Variants in KIF16B observed in about 807,000 individuals in gnomAD.
The protein encoded by KIF16B is kinesin-like protein KIF16B.
KIF16B carries 98 observed loss-of-function variants against 156.3 expected under a neutral mutation model. The ratio of observed to expected loss-of-function variants is 0.63; its 90% CI spans 0.53 to 0.74. The LOEUF (loss-of-function observed/expected upper bound fraction) is 0.74. Ranked by LOEUF, KIF16B falls within the 30% of genes least tolerant of loss-of-function variation. The probability of loss-of-function intolerance (pLI) is 0.00; values close to 1 mark genes in which losing one functional copy is unlikely to be tolerated. For missense variants in KIF16B, 1,421 were observed against 1,606.5 expected (o/e 0.88, Z 1.97); for synonymous variants, 564 against 583.7 (o/e 0.97, Z 0.49).
rs1349589151 is a variant in KIF16B, at chr20:16,561,319, A to ATT, written c.47+11909_47+11910insAA. ...AAAAAAAAGTAGTAGAGAGTAGAAA[A>ATT]TATCAGCATGCATTGAGCAGATGAA... On this transcript the variant is annotated intron_variant, in intron 1 of 25. Transcript: ENST00000354981. 5.9e-5 allele frequency among the ~76,000 whole-genome samples: 9 copies of ATT among 152,294 alleles called. No homozygotes were observed. The East Asian group carries it at 1.7e-3, about 29-fold the overall frequency.
chr20:16,342,308 G>C (rs2064153656), intron 23 of KIF16B, among the ~76,000 whole-genome samples: 1 of 151,810 alleles, frequency 6.6e-6, no homozygotes, highest in Admixed American at 6.6e-5. Context: ...GGTAGTAACT[G>C]GGGTGGGGTG....
chr20:16,448,658 G>A (rs535503239), intron 12 of KIF16B, among the ~76,000 whole-genome samples: 31 of 152,280 alleles, frequency 2.0e-4, no homozygotes, highest in African/African-American at 6.3e-4. Context: ...ACCATAAACA[G>A]CAAGCAACAA....
intron 3 of KIF16B, among the ~76,000 whole-genome samples, chr20:16,525,627 C>T (rs563449055): frequency 2.4e-4 from 36 of 152,168 alleles, no homozygotes; most frequent in Non-Finnish European, 3.1e-4. Flanking sequence ...TCTGAATGAA[C>T]GTTCTTTCTT....
intron 25 of KIF16B, among the ~76,000 whole-genome samples, chr20:16,308,898 C>T (rs547763690): frequency 1.3e-5 from 2 of 152,226 alleles, no homozygotes; most frequent in Non-Finnish European, 2.9e-5. Context: ...CTGTTACCTC[C>T]ACTGCTCTAT....
chr20:16,491,230 C>T (rs1024059056), intron 12 of KIF16B, among the ~76,000 whole-genome samples: 4 of 152,142 alleles, frequency 2.6e-5, no homozygotes, highest in African/African-American at 9.7e-5. Context: ...CCGGTGCACA[C>T]ACCAACCAGC....
rs573753222 is a variant in KIF16B at position 16,385,804 on chromosome 20, ATACC to A, written c.1785-4061_1785-4058del. Among the ~76,000 whole-genome samples the A allele has an allele frequency of 2.6e-5, 4 of 152,306 alleles. No homozygotes were observed. The East Asian group carries it at 7.7e-4, about 29-fold the overall frequency. On this transcript the variant is annotated intron_variant, in intron 17 of 25. Transcript: ENST00000354981. The stretch of plus-strand genomic sequence containing the variant: ...CTAACAACCACGGGGGACTCACTCC[ATACC>A]TGGCACTGTTCTAGGTACTGTGAAT...
At chr20:16,324,839 T>C (rs1243614742) in intron 24 of KIF16B, among the ~76,000 whole-genome samples, 2 of 151,536 alleles carry the variant, frequency 1.3e-5, no homozygotes, top group Non-Finnish European at 1.5e-5. Context: ...GGAAAGAACA[T>C]AACAACTAAA....
chr20:16,312,633 C>T (rs2063636414), intron 24 of KIF16B, among the ~76,000 whole-genome samples: 1 of 152,146 alleles, frequency 6.6e-6, no homozygotes, highest in Admixed American at 6.5e-5. Flanking sequence ...AATGAGAAGA[C>T]AGGACAATGG....
chr20:16,307,443 A>G (rs1377138160), intron 25 of KIF16B, among the ~76,000 whole-genome samples: 1 of 152,228 alleles, frequency 6.6e-6, no homozygotes, highest in Non-Finnish European at 1.5e-5. Context: ...GAATTGAATT[A>G]GACATCAATT....
chr20:16,502,338 T>G (rs2068649949), intron 10 of KIF16B, among the ~76,000 whole-genome samples: 1 of 152,206 alleles, frequency 6.6e-6, no homozygotes, highest in Admixed American at 6.5e-5. Context: ...AATGGACATT[T>G]AAGAACACCT....
chr20:16,377,159 T>TG (rs2064972084), intron 19 of KIF16B, among the ~76,000 whole-genome samples: 1 of 152,120 alleles, frequency 6.6e-6, no homozygotes, highest in Admixed American at 6.5e-5. Flanking sequence ...TGGGGTCTCC[T>TG]GGCCAGTACA....
intron 23 of KIF16B, among the ~76,000 whole-genome samples, chr20:16,353,565 A>C (rs755488416): frequency 3.3e-5 from 5 of 151,900 alleles, no homozygotes; most frequent in African/African-American, 4.8e-5. Flanking sequence ...TCCACTCCTC[A>C]TACCAACCCA....
At chr20:16,315,118 G>A (rs1416596810) in intron 24 of KIF16B, among the ~76,000 whole-genome samples, 1 of 152,120 alleles carries the variant, frequency 6.6e-6, no homozygotes, top group East Asian at 1.9e-4. Context: ...AGGACTTTAG[G>A]CAGTGGAAGC....
At chr20:16,372,767 G>C (rs2064853389) in intron 20 of KIF16B, among the ~76,000 whole-genome samples, 1 of 152,170 alleles carries the variant, frequency 6.6e-6, no homozygotes, top group Admixed American at 6.5e-5. Context: ...GTATGATCTT[G>C]GCTCACTGCA....
intron 12 of KIF16B, among the ~76,000 whole-genome samples, chr20:16,437,884 G>T (rs1239970827): frequency 6.6e-6 from 1 of 151,676 alleles, no homozygotes; most frequent in Non-Finnish European, 1.5e-5. Context: ...TGTAATCCCA[G>T]TACTTTGGGA....
At chr20:16,356,287 G>A (rs764807628) in intron 23 of KIF16B, 43 bp downstream of exon 23, 59 of 1,612,266 alleles carry the variant, frequency 3.7e-5, no homozygotes, top group Non-Finnish European at 4.9e-5. Flanking sequence ...GCACTGCATA[G>A]TCTCCAACCT....
At chr20:16,563,802 C>T (rs916777331) in intron 1 of KIF16B, among the ~76,000 whole-genome samples, 8 of 152,122 alleles carry the variant, frequency 5.3e-5, no homozygotes, top group African/African-American at 1.9e-4. Flanking sequence ...ACTAATACAC[C>T]TTGTATAAGT....
At chr20:16,305,842 C>T (rs1198257377) in intron 25 of KIF16B, among the ~76,000 whole-genome samples, 1 of 152,178 alleles carries the variant, frequency 6.6e-6, no homozygotes, top group Non-Finnish European at 1.5e-5. Context: ...CATATTGCTG[C>T]AAATCCTTTT....
chr20:16,528,941 C>T (rs2069648231), intron 1 of KIF16B, among the ~76,000 whole-genome samples: 1 of 152,274 alleles, frequency 6.6e-6, no homozygotes, highest in Admixed American at 6.5e-5. Flanking sequence ...AACAGCAGAA[C>T]AGGAGGACTC....
Sources: allele counts gnomAD v4.1 joint callset (sites outside exome capture counted in the v4.1 genomes callset), GRCh38; gene constraint gnomAD v4.1.1; transcripts MANE v1.5; gene names NCBI Gene and HGNC (gene_info 2026-07-23, HGNC 2026-07-21).